The following BICDL1 variants were observed in gnomAD, a reference collection of about 807,000 sequenced individuals.
BICDL1 encodes the protein BICD family-like cargo adapter 1.
In BICDL1, 20 loss-of-function variants were observed where a neutral mutation model predicts 76.8. The ratio of observed to expected loss-of-function variants is 0.26; its 90% confidence interval spans 0.18 to 0.38. BICDL1 has a LOEUF of 0.38. Among genes scored for constraint, BICDL1 ranks in the 10% least tolerant of loss-of-function variants. The pLI is 1.00. For missense variants in BICDL1, 700 were observed against 798.6 expected (o/e 0.88, Z 1.49); for synonymous variants, 383 against 337.1 (o/e 1.14, Z -1.49).
intron 2 of BICDL1, among the ~76,000 whole-genome samples, chr12:120,059,001 A>G (rs886458739): frequency 1.3e-5 from 2 of 152,218 alleles, no homozygotes; most frequent in African/African-American, 4.8e-5. Flanking sequence ...TGAGCAATAG[A>G]AATATGAAAA....
At chr12:120,061,139 C>G (rs983937418) in intron 2 of BICDL1, among the ~76,000 whole-genome samples, 8 of 152,194 alleles carry the variant, frequency 5.3e-5, no homozygotes, top group Admixed American at 5.2e-4. Context: ...AGGTGGGAAA[C>G]AGGCACCTCT....
chr12:120,073,592 G>T (rs1318259991), intron 6 of BICDL1, among the ~76,000 whole-genome samples: 2 of 152,188 alleles, frequency 1.3e-5, no homozygotes, highest in Non-Finnish European at 2.9e-5. Context: ...ATTTCTTCCA[G>T]CTTCATGACA....
chr12:120,046,091 C>T (rs1402812372), intron 2 of BICDL1, among the ~76,000 whole-genome samples: 1 of 152,088 alleles, frequency 6.6e-6, no homozygotes, highest in African/African-American at 2.4e-5. Flanking sequence ...AGCTTGGCTG[C>T]ATTTTCATAT....
chr12:120,040,225 A>G (rs1039300596), intron 2 of BICDL1, among the ~76,000 whole-genome samples: 7 of 150,448 alleles, frequency 4.7e-5, no homozygotes, highest in Admixed American at 2.0e-4. Flanking sequence ...GCCTCAGCCT[A>G]TCGAGTTGCT....
intron 2 of BICDL1, among the ~76,000 whole-genome samples, chr12:120,038,424 G>A (rs1020366075): frequency 6.6e-6 from 1 of 151,994 alleles, no homozygotes; most frequent in Non-Finnish European, 1.5e-5. Context: ...TGTGTTCATA[G>A]TTAGAGCTTT....
At chr12:119,993,562 T>G (rs1188629390) in intron 1 of BICDL1, among the ~76,000 whole-genome samples, 1 of 152,296 alleles carries the variant, frequency 6.6e-6, no homozygotes, top group East Asian at 1.9e-4. Context: ...TTTTCCGCTC[T>G]TGAATTGACT....
At chr12:120,072,337 A>C (rs1873170248) in intron 5 of BICDL1, among the ~76,000 whole-genome samples, 174 bp from the exon 6 acceptor site, 1 of 152,156 alleles carries the variant, frequency 6.6e-6, no homozygotes, top group Admixed American at 6.5e-5. Flanking sequence ...CTTGGTTCAG[A>C]ATAAGTATTA....
At chr12:120,092,907 C>G (rs916224234) in intron 9 of BICDL1, 93 bp from the exon 10 acceptor site, 93 of 1,479,884 alleles carry the variant, frequency 6.3e-5, no homozygotes, top group Non-Finnish European at 8.0e-5. Flanking sequence ...ATTCTCATCT[C>G]TCATCTGTCT....
intron 2 of BICDL1, among the ~76,000 whole-genome samples, chr12:120,006,221 G>A (rs1951848254): frequency 6.6e-6 from 1 of 152,124 alleles, no homozygotes; most frequent in East Asian, 1.9e-4. Context: ...AGCTGGCAGT[G>A]TTCTGTTTCT....
intron 2 of BICDL1, among the ~76,000 whole-genome samples, chr12:120,008,822 G>C (rs571069882): frequency 7.9e-5 from 12 of 152,198 alleles, no homozygotes; most frequent in African/African-American, 2.6e-4. Flanking sequence ...AACAGAAAAG[G>C]GCCTTTTACA....
intron 2 of BICDL1, among the ~76,000 whole-genome samples, chr12:120,052,222 A>G (rs529314065): frequency 2.1e-4 from 32 of 151,516 alleles, no homozygotes; most frequent in Middle Eastern, 3.4e-3. Flanking sequence ...GATTACAGGC[A>G]TGCCTTGTTT....
intron 2 of BICDL1, among the ~76,000 whole-genome samples, chr12:120,061,257 T>G (rs1953098630): frequency 6.6e-6 from 1 of 152,078 alleles, no homozygotes; most frequent in Admixed American, 6.5e-5. Flanking sequence ...CCATGTTAAG[T>G]AGAGGAGAGA....
intron 3 of BICDL1, 120 bp from the exon 4 acceptor site, chr12:120,064,613 C>T (rs1011831932): frequency 2.6e-5 from 25 of 961,172 alleles, no homozygotes; most frequent in African/African-American, 6.8e-5. Flanking sequence ...ATGGGGGTAC[C>T]GTGACATTGG....
chr12:120,063,538 C>G (rs1334268121), intron 3 of BICDL1, among the ~76,000 whole-genome samples: 2 of 152,036 alleles, frequency 1.3e-5, no homozygotes, highest in Non-Finnish European at 1.5e-5. Context: ...AGGACTGAAA[C>G]AAGCTAGACA....
At chr12:120,006,261 G>A (rs1206589357) in intron 2 of BICDL1, among the ~76,000 whole-genome samples, 1 of 152,016 alleles carries the variant, frequency 6.6e-6, no homozygotes, top group Admixed American at 6.6e-5. Flanking sequence ...GTGGGTGTTT[G>A]CTTTATAATT....
At position 120,014,583 on chromosome 12, in the gene BICDL1, T is replaced by C. The variant is rs1467379694; in HGVS notation, c.645+15847T>C. Reference sequence around the variant, plus strand: ...GGCGCGTGCCTTTCATCCCAGCTACTCAGGAGGCTGAGGCAAGAGAATCGC... The same window carrying C: ...GGCGCGTGCCTTTCATCCCAGCTACCCAGGAGGCTGAGGCAAGAGAATCGC... On this transcript the variant is annotated intron_variant, in intron 2 of 9. Transcript: ENST00000548673. Among the ~76,000 whole-genome samples the C allele has an allele frequency of 2.0e-5, 3 of 151,432 alleles. No homozygotes were observed. In the East Asian group the frequency reaches 5.8e-4, roughly 30 times the overall value.
In BICDL1 at chr12:120,086,550, G is replaced by A. The variant is rs539307947; in HGVS notation, c.1584-3401G>A. Among the ~76,000 whole-genome samples the A allele has an allele frequency of 1.0e-3, 158 of 152,316 alleles. 1 individual carries two copies. The highest frequency in any genetic ancestry group is 3.5e-3 in the African/African-American group (145 of 41,572). ...GATTTTAATGTGTAGTCAGGGGTGA[G>A]AATCCCTAAGAAATATAACTTCCTT... On this transcript the variant is annotated intron_variant, in intron 8 of 9. Coordinates refer to ENST00000548673, the MANE Select transcript of BICDL1 (RefSeq NM_001367886.1).
At position 120,089,303 on chromosome 12, in the gene BICDL1, T is replaced by G. The variant is rs150326459; in HGVS notation, c.1584-648T>G. On this transcript the variant is annotated intron_variant, in intron 8 of 9. Transcript: ENST00000548673. ...GTGTGTGTGTGTATGTGTGTGTGTG[T>G]GGGGTGTGACGGAGTTCTGCTCTTT... Among the ~76,000 whole-genome samples, 411 of 123,618 alleles carry G rather than the reference T, an allele frequency of 3.3e-3. 3 individuals are homozygous for G. Among genetic ancestry groups the G allele is most frequent in the Middle Eastern group, 0.027 (7 of 262 alleles). The allele number at this position is 123,618 out of a possible 152,430, so 81.1% of individuals were successfully genotyped here. A position where few individuals can be genotyped will look rare whatever the true frequency, so the allele number is the denominator to read the frequency against.
intron 6 of BICDL1, 62 bp from the exon 7 acceptor site, chr12:120,074,381 C>G: frequency 9.9e-7 from 1 of 1,011,530 alleles, no homozygotes; most frequent in African/African-American, 1.7e-5. Context: ...ATCTCTCTCC[C>G]CCTTCCCTAT....
Sources: allele counts gnomAD v4.1 joint callset (sites outside exome capture counted in the v4.1 genomes callset), GRCh38; gene constraint gnomAD v4.1.1; transcripts MANE v1.5; gene names NCBI Gene and HGNC (gene_info 2026-07-23, HGNC 2026-07-21).